Variants in MZT2B observed in about 807,000 individuals in gnomAD.
The protein encoded by MZT2B is mitotic-spindle organizing protein 2B.
Under a neutral mutation model 12.1 loss-of-function variants are expected in MZT2B, and 11 were observed. The ratio of observed to expected loss-of-function variants is 0.91; its 90% CI spans 0.57 to 1.50. The LOEUF is 1.50. Among genes scored for constraint, MZT2B ranks in the 40% most tolerant of loss-of-function variants. The probability of loss-of-function intolerance (pLI) is 0.00; values close to 1 mark genes in which losing one functional copy is unlikely to be tolerated. For synonymous variants in MZT2B, 85 were observed against 109.5 expected, an observed-to-expected ratio of 0.78 and a Z score of 1.40; for missense variants, 209 against 227.7, an observed-to-expected ratio of 0.92 and a Z score of 0.53.
the MZT2B span, among the ~76,000 whole-genome samples, chr2:130,197,797 T>A: frequency 8.9e-5 from 11 of 123,938 alleles, 3 homozygotes; most frequent in South Asian, 2.8e-4. Context: ...TTGTAGAGAC[T>A]GGGTTTCGCC....
chr2:130,183,932 C>T (rs1238834928), intron 2 of MZT2B: 3 of 1,550,598 alleles, frequency 1.9e-6, no homozygotes, highest in East Asian at 2.4e-5. Flanking sequence ...CGGGTTCCCT[C>T]CGCCTCTCTT....
At chr2:130,186,357 G>T (rs1250470509) in intron 2 of MZT2B, among the ~76,000 whole-genome samples, 1 of 152,196 alleles carries the variant, frequency 6.6e-6, no homozygotes, top group Non-Finnish European at 1.5e-5. Context: ...CAGGGAAGGG[G>T]AAATAGAAAA....
At chr2:130,192,130 G>T (rs145630303), downstream of MZT2B, 8 of 1,590,430 alleles carry the variant, frequency 5.0e-6, no homozygotes, top group Admixed American at 1.2e-4. Flanking sequence ...ATGCCCACCT[G>T]CCAGAGAAGG....
downstream of MZT2B, chr2:130,194,485 C>T (rs369205094): frequency 1.6e-5 from 24 of 1,519,832 alleles, 1 homozygote; most frequent in African/African-American, 6.9e-5. Context: ...AACCAGACAA[C>T]GTGAGCCAAT....
chr2:130,182,845 C>T, intron 2 of MZT2B, 70 bp downstream of exon 2: 4 of 1,434,406 alleles, frequency 2.8e-6, no homozygotes, highest in Non-Finnish European at 3.7e-6. Context: ...AGGCGCGGCA[C>T]AGCGGCGGCG....
the MZT2B span, among the ~76,000 whole-genome samples, chr2:130,197,610 T>C: frequency 6.3e-5 from 8 of 127,882 alleles, no homozygotes; most frequent in African/African-American, 2.1e-4. Flanking sequence ...AATGGGCTGC[T>C]TTTTTTGTTT....
rs778667683 is a variant in MZT2B, at chr2:130,190,625, A to C, written c.476A>C (p.Ter159SerextTer27). ...PGKSPTRGST[*>S] Reference sequence around the variant, plus strand: ...AAGAGCCCTACACGGGGCAGCACCTAGGATGGGGCAGAGACTTGTTGCATC... The same window carrying C: ...AAGAGCCCTACACGGGGCAGCACCTCGGATGGGGCAGAGACTTGTTGCATC... Residue 159 changes from the stop codon to serine, a stop_lost, in exon 3 of 3, where the codon TAG becomes TCG. Transcript: ENST00000281871. 1.7e-5 allele frequency: 28 copies of C among 1,601,488 alleles called. No homozygotes were observed. The highest frequency in any genetic ancestry group is 2.3e-5 in the Non-Finnish European group (27 of 1,170,566).
chr2:130,181,985 C>G, upstream of MZT2B: 2 of 1,381,626 alleles, frequency 1.4e-6, no homozygotes, highest in South Asian at 1.4e-5. Context: ...GGGCTGGGTG[C>G]TGCCACCTAA....
In MZT2B at chr2:130,182,640, C is replaced by T; in HGVS notation, c.184C>T (p.Leu62=). 5 of 1,538,456 alleles carry T rather than the reference C, an allele frequency of 3.3e-6. No homozygotes were observed. In the South Asian group the frequency reaches 4.9e-5, roughly 15 times the overall value. ...DPDVFKILVD[L]LKLNVAPLAV... ...TGTCCCCGCCAGGATCCTGGTGGAC[C>T]TGCTGAAGCTGAACGTGGCCCCCCT... The change falls in exon 2 of 3, where the codon CTG becomes TTG. Residue 62 remains leucine, a synonymous_variant. Coordinates refer to ENST00000281871, the MANE Select transcript of MZT2B (RefSeq NM_025029.5).
downstream of MZT2B, chr2:130,192,198 C>T (rs1374115502): frequency 5.8e-6 from 9 of 1,540,854 alleles, no homozygotes; most frequent in African/African-American, 1.4e-5. Flanking sequence ...TACTTCTCCT[C>T]AAACAGAAGA....
chr2:130,187,196 T>A (rs921012322), intron 2 of MZT2B, among the ~76,000 whole-genome samples: 4 of 152,078 alleles, frequency 2.6e-5, no homozygotes, highest in African/African-American at 4.8e-5. Flanking sequence ...ACTTTTTATT[T>A]ATTTATTTAT....
At chr2:130,194,934 T>C, downstream of MZT2B, 2 of 1,465,174 alleles carry the variant, frequency 1.4e-6, no homozygotes, top group Non-Finnish European at 1.9e-6. Context: ...TGCTTTAGCC[T>C]CTCAAAGTGC....
chr2:130,182,251 G>A, upstream of MZT2B: 2 of 1,252,932 alleles, frequency 1.6e-6, no homozygotes, highest in Non-Finnish European at 2.0e-6. Flanking sequence ...GGGCGCGGCG[G>A]GGCGGAGCGC....
At position 130,182,788 on chromosome 2, in the gene MZT2B, C is replaced by A. The variant is rs1430775900; in HGVS notation, c.319+13C>A. On this transcript the variant is annotated intron_variant, in intron 2 of 2. Coordinates refer to ENST00000281871, the MANE Select transcript of MZT2B (RefSeq NM_025029.5). The stretch of plus-strand genomic sequence containing the variant: ...CCCGAGACCCGAGGTCAGAGCTGGG[C>A]CCGCTGTCCCTGCCCCAGTGGCGGG... 4.1e-6 allele frequency: 6 copies of A among 1,455,062 alleles called. No individual in the cohort carries two copies. Among genetic ancestry groups the A allele is most frequent in the Non-Finnish European group, 5.5e-6 (6 of 1,095,692 alleles). The allele number at this position is 1,455,062 out of a possible 1,614,324, so 90.1% of individuals were successfully genotyped here.
the MZT2B span, among the ~76,000 whole-genome samples, chr2:130,203,251 T>C: frequency 1.3e-5 from 2 of 152,172 alleles, no homozygotes; most frequent in African/African-American, 4.8e-5. Flanking sequence ...TGTGGTATCA[T>C]CCCCCTGCAT....
At chr2:130,182,252 G>A, upstream of MZT2B, 1 of 1,254,504 alleles carries the variant, frequency 8.0e-7, no homozygotes, top group Non-Finnish European at 9.9e-7. Context: ...GGCGCGGCGG[G>A]GCGGAGCGCA....
At chr2:130,200,233 T>C in the MZT2B span, among the ~76,000 whole-genome samples, 2 of 151,712 alleles carry the variant, frequency 1.3e-5, no homozygotes, top group Admixed American at 6.6e-5. Flanking sequence ...CTACTAAAAA[T>C]ACAAAAAATT....
At chr2:130,193,769 A>G (rs781238311), downstream of MZT2B, 1 of 1,588,216 alleles carries the variant, frequency 6.3e-7, no homozygotes, top group Non-Finnish European at 8.6e-7. Context: ...AAAGGCCTCC[A>G]TGTCACCCAG....
At chr2:130,185,182 G>A (rs1418458008) in intron 2 of MZT2B, among the ~76,000 whole-genome samples, 3 of 152,048 alleles carry the variant, frequency 2.0e-5, no homozygotes, top group Admixed American at 6.5e-5. Context: ...GTGGTGGCAG[G>A]TGCCTGTAGT....
Sources: gnomAD v4.1 joint callset for allele counts (sites outside exome capture counted in the v4.1 genomes callset) on GRCh38, gnomAD v4.1.1 for gene constraint, MANE v1.5 for transcripts, NCBI Gene and HGNC (gene_info 2026-07-23, HGNC 2026-07-21) for gene names.